FAM227A: variants seen among roughly 807,000 people sequenced by gnomAD.
The protein encoded by FAM227A is family with sequence similarity 227 member A.
Under a neutral mutation model 74.7 loss-of-function variants are expected in FAM227A, and 80 were observed. The observed-to-expected ratio is 1.07, with a 90% CI of 0.89 to 1.29. The LOEUF is 1.29. Ranked by LOEUF, FAM227A falls within the 50% of genes most tolerant of loss-of-function variation. The probability of loss-of-function intolerance (pLI) is 0.00; values close to 1 mark genes in which losing one functional copy is unlikely to be tolerated. For missense variants in FAM227A, 654 were observed against 683.4 expected (o/e 0.96, Z 0.48); for synonymous variants, 237 against 241.8 (o/e 0.98, Z 0.19).
chr22:38,650,370 G>C (rs1006263638), intron 1 of FAM227A, 108 bp from the exon 2 acceptor site: 2 of 566,928 alleles, frequency 3.5e-6, no homozygotes, highest in East Asian at 5.9e-5. Flanking sequence ...TCCCATGCCT[G>C]CATGGGGAAT....
chr22:38,626,038 C>A, intron 9 of FAM227A, 142 bp downstream of exon 9: 2 of 752,042 alleles, frequency 2.7e-6, no homozygotes, highest in Non-Finnish European at 2.0e-6. Flanking sequence ...CAACCACATA[C>A]TTTGCTCTCT....
chr22:38,621,577 C>T (rs533713504), intron 10 of FAM227A, among the ~76,000 whole-genome samples: 1 of 152,198 alleles, frequency 6.6e-6, no homozygotes, highest in South Asian at 2.1e-4. Flanking sequence ...TGCACTCCAG[C>T]CTGGGCGACA....
chr22:38,622,813 T>C (rs1602986767), intron 10 of FAM227A, among the ~76,000 whole-genome samples: 1 of 132,720 alleles, frequency 7.5e-6, no homozygotes, highest in African/African-American at 3.0e-5. Context: ...GAGGTGGAGG[T>C]TGCAGTAAGC....
chr22:38,637,374 A>G (rs138447205), intron 5 of FAM227A, among the ~76,000 whole-genome samples: 49 of 152,292 alleles, frequency 3.2e-4, no homozygotes, highest in African/African-American at 9.9e-4. Flanking sequence ...CTTTGGGGTT[A>G]TTTAGTGTGA....
At position 38,578,514 on chromosome 22, in the gene FAM227A, A is replaced by G. The variant is rs2090680416; in HGVS notation, c.*7611T>C. ...TGCTATGACAGTTTATTTTACTAGC[A>G]TTTATTCAACACTGCTCAATTCCAC... On this transcript the variant is annotated 3_prime_UTR_variant, in exon 17 of 17. Coordinates refer to ENST00000535113, the MANE Select transcript of FAM227A (RefSeq NM_001013647.2). 2 of 152,214 alleles carry G rather than the reference A, an allele frequency of 1.3e-5. No homozygotes were observed. Among genetic ancestry groups the G allele is most frequent in the African/African-American group, 4.8e-5 (2 of 41,456 alleles). The allele number at this position is 152,214 out of a possible 1,614,324, so 9.4% of individuals were successfully genotyped here. A position where few individuals can be genotyped will look rare whatever the true frequency, so the allele number is the denominator to read the frequency against.
Position 38,582,687 on chromosome 22 carries a change from C to G in FAM227A, c.*3438G>C. ...CTGTGCAACAAATGGTCCTGACAGA[C>G]AGAAATGCAGTTTGTCCTGGGCTTA... On this transcript the variant is annotated 3_prime_UTR_variant, in exon 17 of 17. Coordinates refer to ENST00000535113, the MANE Select transcript of FAM227A (RefSeq NM_001013647.2). 2.2e-6 allele frequency: 2 copies of G among 898,752 alleles called. No homozygotes were observed. The highest frequency in any genetic ancestry group is 2.6e-5 in the East Asian group (1 of 37,836). 55.7% of individuals were successfully genotyped at this position (898,752 alleles called of 1,614,324 possible).
In FAM227A at chr22:38,650,008, G is replaced by A; in HGVS notation, c.142+19C>T. On this transcript the variant is annotated intron_variant, in intron 2 of 16. Transcript: ENST00000535113. ...AGGTGTATTTGGTCTGATTGTAGGT[G>A]ACATCACCAGAAGGATACAGGGTGG... 6.4e-7 allele frequency: 1 copy of A among 1,551,502 alleles called. No homozygotes were observed. The highest frequency in any genetic ancestry group is 8.7e-7 in the Non-Finnish European group (1 of 1,146,612).
At chr22:38,652,826 G>A (rs1269313199) in intron 1 of FAM227A, among the ~76,000 whole-genome samples, 5 of 142,366 alleles carry the variant, frequency 3.5e-5, no homozygotes, top group South Asian at 2.2e-4. Flanking sequence ...GCAGTGAGCC[G>A]AGATCACACC....
intron 6 of FAM227A, among the ~76,000 whole-genome samples, chr22:38,636,167 C>T (rs1183161193): frequency 1.3e-5 from 2 of 152,036 alleles, no homozygotes; most frequent in African/African-American, 4.8e-5. Context: ...TGATTGGCAA[C>T]AGAATAAGTA....
At position 38,579,290 on chromosome 22, in the gene FAM227A, G is replaced by A. The variant is rs578041235; in HGVS notation, c.*6835C>T. ...AAACCAAGAATAATATCGGCGCTGAGTTGTGAGAATTAAATGGGTTAATAC... is the reference window on the plus strand; with the variant it reads ...AAACCAAGAATAATATCGGCGCTGAATTGTGAGAATTAAATGGGTTAATAC... On this transcript the variant is annotated 3_prime_UTR_variant, in exon 17 of 17. Transcript: ENST00000535113. The A allele has an allele frequency of 6.6e-6, 1 of 152,306 alleles. No individual in the cohort carries two copies. The highest frequency in any genetic ancestry group is 2.1e-4 in the South Asian group (1 of 4,828). 9.4% of individuals were successfully genotyped at this position (152,306 alleles called of 1,614,324 possible).
intron 1 of FAM227A, among the ~76,000 whole-genome samples, chr22:38,655,040 G>A (rs1820918429): frequency 1.3e-5 from 2 of 150,140 alleles, no homozygotes; most frequent in East Asian, 2.0e-4. Context: ...CTTGGGAGGC[G>A]GAGGCAGGAG....
chr22:38,602,072 C>T (rs1262259572), intron 13 of FAM227A, among the ~76,000 whole-genome samples: 3 of 152,024 alleles, frequency 2.0e-5, no homozygotes, highest in Non-Finnish European at 2.9e-5. Flanking sequence ...ACAAAAATTC[C>T]ACTTCACAAA....
chr22:38,586,009 A>G lies in FAM227A; in HGVS notation c.*116T>C, dbSNP rs572688351. ...GGAATCCTTCCCCTATGGAGAAATC[A>G]TGATTCCTATTTCTGTCTTTGGCCA... is the stretch of plus-strand genomic sequence containing the variant. On this transcript the variant is annotated 3_prime_UTR_variant, in exon 17 of 17. Coordinates refer to ENST00000535113, the MANE Select transcript of FAM227A (RefSeq NM_001013647.2). 31 of 1,540,704 alleles carry G rather than the reference A, an allele frequency of 2.0e-5. No homozygotes were observed. The African/African-American group carries it at 3.2e-4, about 16-fold the overall frequency.
chr22:38,629,066 A>C (rs745647621), intron 6 of FAM227A, 131 bp from the exon 7 acceptor site: 40 of 609,834 alleles, frequency 6.6e-5, no homozygotes, highest in Non-Finnish European at 1.0e-4. Flanking sequence ...GTAATTTTAC[A>C]TACTCTCATT....
At chr22:38,619,458 G>A (rs1265860004) in intron 11 of FAM227A, among the ~76,000 whole-genome samples, 2 of 152,138 alleles carry the variant, frequency 1.3e-5, no homozygotes, top group Non-Finnish European at 2.9e-5. Context: ...TGAGTAGCTG[G>A]GACTACAGGT....
intron 1 of FAM227A, among the ~76,000 whole-genome samples, chr22:38,652,372 A>G (rs1227522682): frequency 1.3e-5 from 2 of 151,992 alleles, no homozygotes; most frequent in Non-Finnish European, 2.9e-5. Context: ...GCAGATCATG[A>G]GGTCAGGAGA....
intron 2 of FAM227A, among the ~76,000 whole-genome samples, chr22:38,648,829 C>G (rs2092281946): frequency 6.6e-6 from 1 of 151,452 alleles, no homozygotes; most frequent in Non-Finnish European, 1.5e-5. Flanking sequence ...AAAAATTAGC[C>G]AGACGTGGTG....
intron 15 of FAM227A, among the ~76,000 whole-genome samples, chr22:38,593,616 C>A (rs905665574): frequency 6.6e-6 from 1 of 152,190 alleles, no homozygotes; most frequent in African/African-American, 2.4e-5. Flanking sequence ...TCTCCCTTCT[C>A]CATCCCGACC....
chr22:38,578,336 C>T lies in FAM227A; in HGVS notation c.*7789G>A, dbSNP rs1407470328. On this transcript the variant is annotated 3_prime_UTR_variant, in exon 17 of 17. Transcript: ENST00000535113. ...GGACCACCGTCATATATTCAGTCAG[C>T]TGCTGACTGAAACATCGTTACGTGG... 6.6e-6 allele frequency: 1 copy of T among 152,154 alleles called. No homozygotes were observed. The highest frequency in any genetic ancestry group is 1.5e-5 in the Non-Finnish European group (1 of 68,032). The allele number at this position is 152,154 out of a possible 1,614,324, so 9.4% of individuals were successfully genotyped here.
Sources: allele counts gnomAD v4.1 joint callset (sites outside exome capture counted in the v4.1 genomes callset), GRCh38; gene constraint gnomAD v4.1.1; transcripts MANE v1.5; gene names NCBI Gene and HGNC (gene_info 2026-07-23, HGNC 2026-07-21).